EHBP1: variants seen among roughly 807,000 people sequenced by gnomAD.
EHBP1 encodes the protein EH domain binding protein 1.
In EHBP1, 55 loss-of-function variants were observed where a neutral mutation model predicts 144.0. That is an observed-to-expected ratio of 0.38 (90% confidence interval 0.31 to 0.48). The LOEUF (loss-of-function observed/expected upper bound fraction) is 0.48, where lower values mean the gene tolerates loss of function less well. Ranked by LOEUF, EHBP1 falls within the 20% of genes least tolerant of loss-of-function variation. The pLI is 0.98. For missense variants in EHBP1, 1,200 were observed against 1,364.2 expected (o/e 0.88, Z 1.90); for synonymous variants, 469 against 472.7 (o/e 0.99, Z 0.10).
chr2:62,805,313 A>T lies in EHBP1; in HGVS notation c.313-20774A>T, dbSNP rs530832975. On this transcript the variant is annotated intron_variant, in intron 5 of 22. Coordinates refer to ENST00000431489, the MANE Select transcript of EHBP1 (RefSeq NM_001142616.3). ...ATTGATACAGAACTATATTTATTAT[A>T]TTTAATTTAAAAAGCAGTTTGCAAA... Among the ~76,000 whole-genome samples, 48 of 152,206 alleles carry T rather than the reference A, an allele frequency of 3.2e-4. 1 individual carries two copies. Among genetic ancestry groups the T allele is most frequent in the African/African-American group, 1.1e-3 (46 of 41,552 alleles).
At chr2:62,961,062 T>C (rs1237052588) in intron 14 of EHBP1, among the ~76,000 whole-genome samples, 2 of 152,200 alleles carry the variant, frequency 1.3e-5, no homozygotes, top group African/African-American at 4.8e-5. Flanking sequence ...AGCTTTAGGC[T>C]GCTAGCCTGG....
At chr2:62,702,881 G>A (rs1417899160), upstream of EHBP1, among the ~76,000 whole-genome samples, 2 of 152,172 alleles carry the variant, frequency 1.3e-5, no homozygotes, top group East Asian at 3.8e-4. Flanking sequence ...ATCCCAGAAA[G>A]GTAGGCATGA....
At chr2:62,711,135 C>T (rs2035107302) in intron 2 of EHBP1, among the ~76,000 whole-genome samples, 1 of 152,064 alleles carries the variant, frequency 6.6e-6, no homozygotes, top group Non-Finnish European at 1.5e-5. Flanking sequence ...GAGAAATGGT[C>T]AGACATATGT....
intron 19 of EHBP1, among the ~76,000 whole-genome samples, chr2:63,025,120 A>C (rs2060919347): frequency 6.6e-6 from 1 of 152,258 alleles, no homozygotes. Flanking sequence ...ATAGATGATA[A>C]AAATGTTTTC....
At chr2:62,680,782 A>G (rs982721484) in intron 1 of EHBP1, among the ~76,000 whole-genome samples, 1 of 152,184 alleles carries the variant, frequency 6.6e-6, no homozygotes, top group Non-Finnish European at 1.5e-5. Context: ...CAAGACAGCA[A>G]TCTGAGAGTC....
At chr2:63,008,928 G>C (rs1426700683) in intron 19 of EHBP1, among the ~76,000 whole-genome samples, 3 of 151,598 alleles carry the variant, frequency 2.0e-5, no homozygotes, top group African/African-American at 4.8e-5. Flanking sequence ...TTGTAAGGTG[G>C]CATTTGAAGT....
chr2:62,721,118 A>G (rs1416221235), intron 2 of EHBP1, among the ~76,000 whole-genome samples: 1 of 152,150 alleles, frequency 6.6e-6, no homozygotes, highest in Admixed American at 6.5e-5. Context: ...TAGTTGTCAT[A>G]TCTCCTCTAA....
chr2:62,764,706 A>G (rs963023327), intron 4 of EHBP1, among the ~76,000 whole-genome samples: 1 of 152,136 alleles, frequency 6.6e-6, no homozygotes, highest in African/African-American at 2.4e-5. Context: ...CTTGTTTGAT[A>G]AAAGAATGCT....
At chr2:62,993,448 A>T in intron 16 of EHBP1, 82 bp from the exon 17 acceptor site, 1 of 1,248,060 alleles carries the variant, frequency 8.0e-7, no homozygotes. Flanking sequence ...GTTATCTTAA[A>T]TCAGTAAAAA....
At chr2:62,997,799 G>C (rs1208782969) in intron 19 of EHBP1, among the ~76,000 whole-genome samples, 1 of 152,056 alleles carries the variant, frequency 6.6e-6, no homozygotes, top group African/African-American at 2.4e-5. Context: ...GAACAGGAAG[G>C]AACCTTAGGC....
intron 5 of EHBP1, among the ~76,000 whole-genome samples, chr2:62,781,394 A>G (rs989589302): frequency 2.0e-5 from 3 of 152,198 alleles, no homozygotes; most frequent in African/African-American, 7.2e-5. Context: ...AAATGAAGCT[A>G]TTCGTGGTAT....
rs575137296 is a variant in EHBP1 at position 62,801,266 on chromosome 2, G to A, written c.313-24821G>A. The stretch of plus-strand genomic sequence containing the variant: ...GATAGGGATAAAAGAAGTACTTGTG[G>A]TCGCTGCTTCTGGAGTATAGCCGTC... On this transcript the variant is annotated intron_variant, in intron 5 of 22. Transcript: ENST00000431489. 1.7e-3 allele frequency among the ~76,000 whole-genome samples: 264 copies of A among 152,300 alleles called. 1 individual carries two copies. The highest frequency in any genetic ancestry group is 3.1e-3 in the Non-Finnish European group (208 of 68,022).
upstream of EHBP1, among the ~76,000 whole-genome samples, chr2:62,704,600 T>C (rs2034390562): frequency 6.6e-6 from 1 of 152,188 alleles, no homozygotes; most frequent in African/African-American, 2.4e-5. Flanking sequence ...TGTCTGCCCA[T>C]AGCTTGCTGA....
chr2:62,708,513 G>A (rs963624522), intron 2 of EHBP1, among the ~76,000 whole-genome samples: 11 of 152,152 alleles, frequency 7.2e-5, no homozygotes, highest in African/African-American at 2.2e-4. Flanking sequence ...TAACTTCTCC[G>A]TGATTCAAGT....
rs559941275 is a variant in EHBP1 at position 62,856,049 on chromosome 2, T to C, written c.635-3120T>C. ...GTGGAAAGGAGCTACCCACTGCGAG[T>C]CTCCTCTGAGCTGTTCTGTTGCTCA... On this transcript the variant is annotated intron_variant, in intron 7 of 22. Coordinates refer to ENST00000431489, the MANE Select transcript of EHBP1 (RefSeq NM_001142616.3). Among the ~76,000 whole-genome samples the C allele has an allele frequency of 3.3e-5, 5 of 152,106 alleles. No homozygotes were observed. The East Asian group carries it at 9.7e-4, about 29-fold the overall frequency.
chr2:62,875,444 G>A (rs2050814723), intron 10 of EHBP1, among the ~76,000 whole-genome samples: 1 of 152,186 alleles, frequency 6.6e-6, no homozygotes, highest in African/African-American at 2.4e-5. Flanking sequence ...TTATACCATA[G>A]TCAAACCTTC....
intron 10 of EHBP1, among the ~76,000 whole-genome samples, chr2:62,887,575 A>C (rs868605020): frequency 5.4e-5 from 8 of 147,958 alleles, no homozygotes; most frequent in Middle Eastern, 3.5e-3. Flanking sequence ...GGTCTCCACA[A>C]AAAAAAAAAA....
chr2:62,990,022 G>A (rs1206325044), intron 15 of EHBP1, among the ~76,000 whole-genome samples: 1 of 151,958 alleles, frequency 6.6e-6, no homozygotes, highest in African/African-American at 2.4e-5. Flanking sequence ...TATCTATTGC[G>A]ACCATTTTAT....
At chr2:62,907,901 G>C (rs1243243367) in intron 10 of EHBP1, among the ~76,000 whole-genome samples, 1 of 152,116 alleles carries the variant, frequency 6.6e-6, no homozygotes, top group East Asian at 1.9e-4. Context: ...CTCTAGTTTT[G>C]GTTCCTGACT....
Sources: gnomAD v4.1 joint callset for allele counts (sites outside exome capture counted in the v4.1 genomes callset) on GRCh38, gnomAD v4.1.1 for gene constraint, MANE v1.5 for transcripts, NCBI Gene and HGNC (gene_info 2026-07-23, HGNC 2026-07-21) for gene names.